The following KIR3DL3 variants were observed in gnomAD, a reference collection of about 807,000 sequenced individuals.
The protein encoded by KIR3DL3 is killer cell immunoglobulin like receptor, three Ig domains and long cytoplasmic tail 3.
KIR3DL3 carries 27 observed loss-of-function variants against 34.9 expected under a neutral mutation model. That is an observed-to-expected ratio of 0.77 (90% confidence interval 0.57 to 1.07). The LOEUF is 1.07. KIR3DL3 is among the 50% of genes least tolerant of loss of function. The pLI, the probability that KIR3DL3 is intolerant of heterozygous loss-of-function variation, is 0.00. For synonymous variants in KIR3DL3, 217 were observed against 200.2 expected, an observed-to-expected ratio of 1.08 and a Z score of -0.71; for missense variants, 681 against 528.5, an observed-to-expected ratio of 1.29 and a Z score of -2.83.
intron 5 of KIR3DL3, among the ~76,000 whole-genome samples, chr19:54,730,478 G>A (rs1213303845): frequency 5.3e-4 from 80 of 151,150 alleles, no homozygotes; most frequent in Middle Eastern, 3.2e-3. Context: ...GTAGGGTTGG[G>A]CAGGAGTTGC....
At position 54,735,832 on chromosome 19, in the gene KIR3DL3, T is replaced by A. The variant is rs1473071393; in HGVS notation, c.1067T>A (p.Met356Lys). Residue 356 changes from methionine (M) to lysine (K), a missense_variant, in exon 7 of 8, where the codon ATG becomes AAG. Physicochemically the swap from Met to Lys is moderately conservative, Grantham distance 95 (BLOSUM62 -1). Coordinates refer to ENST00000291860, the MANE Select transcript of KIR3DL3 (RefSeq NM_153443.5). The stretch of plus-strand genomic sequence containing the variant: ...CCGTCTTCTACAGATGCTGTTGTAA[T>A]GGACCAAGAGCCTGCAGGGAACAGA... ...WCANKKNAVV[M>K]DQEPAGNRTV... 2.5e-6 allele frequency: 4 copies of A among 1,607,664 alleles called. No individual in the cohort carries two copies. Among genetic ancestry groups the A allele is most frequent in the Admixed American group, 1.7e-5 (1 of 58,832 alleles).
At chr19:54,731,471 C>T (rs1600204305) in intron 5 of KIR3DL3, among the ~76,000 whole-genome samples, 1 of 151,688 alleles carries the variant, frequency 6.6e-6, no homozygotes, top group Admixed American at 6.6e-5. Flanking sequence ...CACTTCCACT[C>T]ACTCACTCGT....
rs1249844502 is a variant in KIR3DL3 at position 54,726,048 on chromosome 19, C to T, written c.71-5C>T. 1.2e-6 allele frequency: 2 copies of T among 1,602,974 alleles called. No homozygotes were observed. The highest frequency in any genetic ancestry group is 1.7e-5 in the Admixed American group (1 of 59,730). On this transcript the variant is annotated splice_region_variant and splice_polypyrimidine_tract_variant and intron_variant, in intron 2 of 7. Coordinates refer to ENST00000291860, the MANE Select transcript of KIR3DL3 (RefSeq NM_153443.5). ...TCTCTAAGGTGGTGCCTCCTTCTCCCCCAGGTGGTCAGGACAAGCCCTTCC... is the reference window on the plus strand; with the variant it reads ...TCTCTAAGGTGGTGCCTCCTTCTCCTCCAGGTGGTCAGGACAAGCCCTTCC...
chr19:54,731,186 A>G (rs1244853243), intron 5 of KIR3DL3, among the ~76,000 whole-genome samples: 2 of 151,876 alleles, frequency 1.3e-5, no homozygotes, highest in Non-Finnish European at 2.9e-5. Flanking sequence ...TTATATTTTT[A>G]GTAGAGACAG....
chr19:54,729,905 G>A, intron 5 of KIR3DL3, 119 bp downstream of exon 5: 2 of 858,532 alleles, frequency 2.3e-6, no homozygotes, highest in Non-Finnish European at 3.4e-6. Flanking sequence ...CAGCATGGGT[G>A]TAAGGGCGGG....
chr19:54,725,658 A>G (rs958867133), intron 2 of KIR3DL3, among the ~76,000 whole-genome samples: 303 of 152,194 alleles, frequency 2.0e-3, no homozygotes, highest in African/African-American at 7.2e-3. Context: ...AGGGGCTGCA[A>G]TGTGGCTGCT....
chr19:54,728,426 G>T (rs1294319340), intron 4 of KIR3DL3, among the ~76,000 whole-genome samples: 1 of 147,664 alleles, frequency 6.8e-6, no homozygotes, highest in African/African-American at 2.5e-5. Flanking sequence ...CCCAGGTGAG[G>T]GAGCAGAACA....
intron 5 of KIR3DL3, among the ~76,000 whole-genome samples, chr19:54,733,580 G>A (rs1258224212): frequency 6.6e-6 from 1 of 152,044 alleles, no homozygotes; most frequent in African/African-American, 2.4e-5. Context: ...AAGGCAACTG[G>A]ATACCAACCA....
rs1266989370 is a variant in KIR3DL3 at position 54,729,613 on chromosome 19, C to T, written c.776C>T (p.Ala259Val). ...GACATTTACCATCTATCCAGGGAGG[C>T]GGAGGCCGGTGAACTTAGGCTCACT... ...LFDIYHLSRE[A>V]EAGELRLTAV... Residue 259 changes from alanine (A) to valine (V), a missense_variant, in exon 5 of 8, where the codon GCG (alanine) becomes GTG (valine). Coordinates refer to ENST00000291860, the MANE Select transcript of KIR3DL3 (RefSeq NM_153443.5). 7.6e-5 allele frequency: 121 copies of T among 1,595,200 alleles called. No individual in the cohort carries two copies. The highest frequency in any genetic ancestry group is 9.6e-5 in the Non-Finnish European group (113 of 1,174,152).
In KIR3DL3 at chr19:54,725,264, G is replaced by A. The variant is rs745384455; in HGVS notation, c.52G>A (p.Gly18Arg). The change falls in exon 2 of 8, where the codon GGG becomes AGG. Residue 18 changes from glycine (G) to arginine (R), a missense_variant. Gly to Arg is a moderately radical substitution (Grantham distance 125). Coordinates refer to ENST00000291860, the MANE Select transcript of KIR3DL3 (RefSeq NM_153443.5). ...MACVGFFLLE[G>R]PWPHVGGQDK... ...CTTTCCAGGGTTCTTCTTGCTGGAG[G>A]GGCCCTGGCCACATGTGGGTGAGTC... is the stretch of plus-strand genomic sequence containing the variant. 2 of 1,596,144 alleles carry A rather than the reference G, an allele frequency of 1.3e-6. No individual in the cohort carries two copies. The highest frequency in any genetic ancestry group is 1.7e-6 in the Non-Finnish European group (2 of 1,169,976).
chr19:54,732,266 T>TTTGTTTGTTTG (rs2068896819), intron 5 of KIR3DL3, among the ~76,000 whole-genome samples: 9 of 151,098 alleles, frequency 6.0e-5, no homozygotes, highest in African/African-American at 1.7e-4. Flanking sequence ...TTCTTTTTTT[T>TTTGTTTGTTTG]TTTGAGTAGA....
rs776237110 is a variant in KIR3DL3, at chr19:54,727,866, A to C, written c.611A>C (p.Tyr204Ser). 1 of 1,613,624 alleles carries C rather than the reference A, an allele frequency of 6.2e-7. No individual in the cohort carries two copies. The highest frequency in any genetic ancestry group is 1.7e-5 in the Admixed American group (1 of 60,000). ...RCFGSVTHLP[Y>S]ELSAPSDPLD... ...TTTGGTTCTGTCACTCACTTACCCTATGAGTTGTCGGCTCCCAGTGACCCT... is the reference window on the plus strand; with the variant it reads ...TTTGGTTCTGTCACTCACTTACCCTCTGAGTTGTCGGCTCCCAGTGACCCT... The change falls in exon 4 of 8, where the codon TAT (tyrosine) becomes TCT (serine). Residue 204 changes from tyrosine to serine, a missense_variant. Physicochemically the swap from Tyr to Ser is moderately radical, Grantham distance 144. Coordinates refer to ENST00000291860, the MANE Select transcript of KIR3DL3 (RefSeq NM_153443.5).
chr19:54,727,791 A>C lies in KIR3DL3; in HGVS notation c.536A>C (p.Asn179Thr). 1.9e-6 allele frequency: 3 copies of C among 1,613,748 alleles called. No homozygotes were observed. The highest frequency in any genetic ancestry group is 2.5e-6 in the Non-Finnish European group (3 of 1,179,950). The change falls in exon 4 of 8, where the codon AAC becomes ACC. Residue 179 changes from asparagine to threonine, a missense_variant. Asn to Thr is a moderately conservative substitution (Grantham distance 65, BLOSUM62 0). Transcript: ENST00000291860. The part of the protein sequence containing the change: ...GQLHDAGSQV[N>T]YSMGPMTPAL... ...CTCCACGATGCGGGTTCCCAGGTCA[A>C]CTATTCCATGGGTCCCATGACACCT...
chr19:54,735,399 T>G (rs1445353247), intron 6 of KIR3DL3, 42 bp downstream of exon 6: 12 of 961,320 alleles, frequency 1.2e-5, no homozygotes, highest in Non-Finnish European at 1.9e-5. Flanking sequence ...CAGGGCCATG[T>G]GGGGAAGCAG....
chr19:54,736,383 T>A lies in KIR3DL3; in HGVS notation c.*287T>A. ...CACTTGCTTAGCCCACAATTCTCCA[T>A]TTCACTTGACCCCTGCCCACCTCTC... On this transcript the variant is annotated 3_prime_UTR_variant, in exon 8 of 8. Transcript: ENST00000291860. 2.0e-6 allele frequency: 1 copy of A among 489,470 alleles called. No individual in the cohort carries two copies. The allele number at this position is 489,470 out of a possible 1,614,324, so 30.3% of individuals were successfully genotyped here.
At position 54,727,591 on chromosome 19, in the gene KIR3DL3, C is replaced by T. The variant is rs1323879012; in HGVS notation, c.356-20C>T. 8.1e-6 allele frequency: 13 copies of T among 1,604,206 alleles called. No homozygotes were observed. The East Asian group carries it at 1.8e-4, about 22-fold the overall frequency. ...ATGAGAAAGGGAGACGCCTTCTGAA[C>T]TCACAACCTCTCTTCTTAGGAGTCC... On this transcript the variant is annotated intron_variant, in intron 3 of 7. Coordinates refer to ENST00000291860, the MANE Select transcript of KIR3DL3 (RefSeq NM_153443.5).
intron 6 of KIR3DL3, 78 bp from the exon 7 acceptor site, chr19:54,735,742 T>C: frequency 6.6e-7 from 1 of 1,520,588 alleles, no homozygotes; most frequent in Non-Finnish European, 9.0e-7. Flanking sequence ...GGCCTCCCCC[T>C]GTATGTTGGT....
chr19:54,729,786 G>T lies in KIR3DL3; in HGVS notation c.949G>T (p.Gly317Cys), dbSNP rs1157978268. 12 of 1,595,758 alleles carry T rather than the reference G, an allele frequency of 7.5e-6. No individual in the cohort carries two copies. The highest frequency in any genetic ancestry group is 3.4e-5 in the South Asian group (3 of 89,322). Residue 317 changes from glycine to cysteine, a missense_variant and splice_region_variant, in exon 5 of 8, where the codon GGT (glycine) becomes TGT (cysteine). Gly to Cys is a radical substitution (Grantham distance 159, BLOSUM62 -3). Transcript: ENST00000291860. ...PSDPLPVSVTGNSRNLHVLIG... is the reference protein window; with the variant it reads ...PSDPLPVSVTCNSRNLHVLIG... ...TGACCCACTGCCCGTTTCTGTCACA[G>T]GTGAGAAAACACCATGCCTGTCCCA...
At position 54,736,124 on chromosome 19, in the gene KIR3DL3, A is replaced by G. The variant is rs765827057; in HGVS notation, c.*28A>G. On this transcript the variant is annotated 3_prime_UTR_variant, in exon 8 of 8. Transcript: ENST00000291860. ...CGGAACTTCCAAATGCTGAGCGCAG[A>G]TCCAAAGTTGTCTTCTGTCCACTAG... 3.7e-6 allele frequency: 6 copies of G among 1,610,500 alleles called. No homozygotes were observed. Among genetic ancestry groups the G allele is most frequent in the South Asian group, 1.1e-5 (1 of 90,760 alleles).
Sources: allele counts gnomAD v4.1 joint callset (sites outside exome capture counted in the v4.1 genomes callset), GRCh38; gene constraint gnomAD v4.1.1; transcripts MANE v1.5; gene names NCBI Gene and HGNC (gene_info 2026-07-23, HGNC 2026-07-21).